Variants in SORBS2 observed in about 807,000 individuals in gnomAD.
SORBS2 encodes the protein sorbin and SH3 domain containing 2, also known as sorbin and SH3 domain-containing protein 2.
SORBS2 carries 46 observed loss-of-function variants against 97.7 expected under a neutral mutation model. That is an observed-to-expected ratio of 0.47 (90% CI 0.37 to 0.60). SORBS2 has a LOEUF of 0.60. Ranked by LOEUF, SORBS2 falls within the 20% of genes least tolerant of loss-of-function variation. The pLI, the probability that SORBS2 is intolerant of heterozygous loss-of-function variation, is 0.00. For missense variants in SORBS2, 1,316 were observed against 1,282.3 expected, an observed-to-expected ratio of 1.03 and a Z score of -0.40; for synonymous variants, 476 against 473.4, an observed-to-expected ratio of 1.01 and a Z score of -0.07.
intron 2 of SORBS2, among the ~76,000 whole-genome samples, chr4:185,724,042 C>T (rs979080248): frequency 2.0e-5 from 3 of 152,142 alleles, no homozygotes; most frequent in African/African-American, 4.8e-5. Context: ...CTCGGCATGC[C>T]GATTTCTGTA....
At chr4:185,603,279 C>G (rs1246619860) in intron 12 of SORBS2, among the ~76,000 whole-genome samples, 1 of 151,974 alleles carries the variant, frequency 6.6e-6, no homozygotes, top group Non-Finnish European at 1.5e-5. Context: ...AATACCTTGG[C>G]CTTAAAAATA....
chr4:185,909,586 T>C (rs562063034), intron 1 of SORBS2, among the ~76,000 whole-genome samples: 1 of 152,278 alleles, frequency 6.6e-6, no homozygotes, highest in South Asian at 2.1e-4. Flanking sequence ...ATAAAGTCAT[T>C]GCATTAAAAA....
chr4:185,800,402 TG>T (rs1300949025), intron 1 of SORBS2, among the ~76,000 whole-genome samples: 1 of 152,202 alleles, frequency 6.6e-6, no homozygotes. Context: ...GTGCCGTTCC[TG>T]GGCGTCCGCT....
chr4:185,626,140 T>G (rs536037283), intron 6 of SORBS2, among the ~76,000 whole-genome samples: 1 of 152,148 alleles, frequency 6.6e-6, no homozygotes, highest in South Asian at 2.1e-4. Context: ...AGTGACTTCT[T>G]TCAACAGTGA....
At chr4:185,713,248 G>A (rs1032723315) in intron 2 of SORBS2, among the ~76,000 whole-genome samples, 2 of 152,110 alleles carry the variant, frequency 1.3e-5, no homozygotes, top group Non-Finnish European at 2.9e-5. Flanking sequence ...CCTCTCCCTG[G>A]AGCCCCAGGT....
intron 2 of SORBS2, among the ~76,000 whole-genome samples, chr4:185,735,517 C>A (rs1023940248): frequency 2.0e-5 from 3 of 151,002 alleles, no homozygotes; most frequent in African/African-American, 7.3e-5. Context: ...CACACACAAA[C>A]AAACACACAC....
intron 4 of SORBS2, among the ~76,000 whole-genome samples, chr4:185,631,154 T>A (rs2153433342): frequency 6.6e-6 from 1 of 152,148 alleles, no homozygotes. Flanking sequence ...ACCCACAGAG[T>A]TTGACTTGAA....
intron 2 of SORBS2, among the ~76,000 whole-genome samples, chr4:185,722,334 T>C (rs1004552907): frequency 2.0e-5 from 3 of 152,232 alleles, no homozygotes; most frequent in Non-Finnish European, 4.4e-5. Context: ...AAAATGATTC[T>C]TCAGTTCTAA....
chr4:185,815,473 T>C (rs1401783193), intron 1 of SORBS2, among the ~76,000 whole-genome samples: 3 of 152,142 alleles, frequency 2.0e-5, no homozygotes, highest in African/African-American at 7.2e-5. Context: ...GAAATGAAAA[T>C]ACAGAATGTG....
intron 1 of SORBS2, among the ~76,000 whole-genome samples, chr4:185,839,115 T>G (rs1376641978): frequency 1.3e-5 from 2 of 152,210 alleles, no homozygotes; most frequent in East Asian, 3.9e-4. Flanking sequence ...ATGCAGTCTG[T>G]CCTCAGAAAG....
At chr4:185,849,553 T>C (rs1356906900) in intron 1 of SORBS2, among the ~76,000 whole-genome samples, 4 of 151,654 alleles carry the variant, frequency 2.6e-5, no homozygotes, top group African/African-American at 9.7e-5. Flanking sequence ...CTCACTCACA[T>C]GCTCTGAAAT....
chr4:185,605,707 C>A (rs2096399845), intron 12 of SORBS2, among the ~76,000 whole-genome samples: 1 of 152,162 alleles, frequency 6.6e-6, no homozygotes, highest in Non-Finnish European at 1.5e-5. Context: ...GCCTCAGCCT[C>A]CCGAGTAGCT....
chr4:185,731,864 CTCTATATATATATATATATATATA>C (rs1198552957), intron 2 of SORBS2, among the ~76,000 whole-genome samples: 26 of 29,020 alleles, frequency 9.0e-4, no homozygotes, highest in East Asian at 2.1e-3. Flanking sequence ...CTCTCTCTCT[CTCTATATATATATATATATATATA>C]TATATATATA....
chr4:185,842,396 A>G (rs996857244), intron 1 of SORBS2, among the ~76,000 whole-genome samples: 1 of 152,222 alleles, frequency 6.6e-6, no homozygotes, highest in East Asian at 1.9e-4. Context: ...GAGACCTGAG[A>G]GTTAACTAAA....
rs1431929198 is a variant in SORBS2 at position 185,906,064 on chromosome 4, C to T, written c.-338+50132G>A. 3.3e-5 allele frequency among the ~76,000 whole-genome samples: 5 copies of T among 152,152 alleles called. No individual in the cohort carries two copies. The Middle Eastern group carries it at 0.01, about 311-fold the overall frequency. On this transcript the variant is annotated intron_variant, in intron 1 of 20. Coordinates refer to the SORBS2 transcript ENST00000284776. ...CCATTTTTTTTTTGAGACGGAGTCT[C>T]GCTCTGTGGCCCAGGCTGGAGTGCA...
At chr4:185,598,821 G>A (rs1165073458) in intron 12 of SORBS2, among the ~76,000 whole-genome samples, 2 of 151,960 alleles carry the variant, frequency 1.3e-5, no homozygotes, top group East Asian at 1.9e-4. Flanking sequence ...AATATTTATG[G>A]TTCACACAAA....
intron 2 of SORBS2, among the ~76,000 whole-genome samples, chr4:185,689,079 G>T (rs2098038885): frequency 6.6e-6 from 1 of 152,142 alleles, no homozygotes. Flanking sequence ...TGCTTATTTT[G>T]CTATGAGGGA....
chr4:185,610,598 T>C (rs1010865473), intron 12 of SORBS2, among the ~76,000 whole-genome samples: 3 of 152,184 alleles, frequency 2.0e-5, no homozygotes, highest in African/African-American at 7.2e-5. Flanking sequence ...TCTCTTAAGA[T>C]GGCAGATTCT....
chr4:185,683,227 G>GT (rs76783528), intron 2 of SORBS2, among the ~76,000 whole-genome samples: 15,600 of 115,502 alleles, frequency 0.14, 867 homozygotes, highest in Middle Eastern at 0.21. Context: ...AGTGTGAAAT[G>GT]TTTTTTTTTT....
Sources: allele counts gnomAD v4.1 joint callset (sites outside exome capture counted in the v4.1 genomes callset), GRCh38; gene constraint gnomAD v4.1.1; transcripts MANE v1.5; gene names NCBI Gene and HGNC (gene_info 2026-07-23, HGNC 2026-07-21).